The following TMOD3 variants were observed in gnomAD, a reference collection of about 807,000 sequenced individuals.
TMOD3 encodes tropomodulin 3.
A neutral mutation model predicts 39.2 loss-of-function variants in TMOD3; 20 were observed. That is an observed-to-expected ratio of 0.51 (90% CI 0.36 to 0.74). The LOEUF is 0.74. Ranked by LOEUF, TMOD3 falls within the 30% of genes least tolerant of loss-of-function variation. The probability of loss-of-function intolerance (pLI) is 0.00; values close to 1 mark genes in which losing one functional copy is unlikely to be tolerated. For missense variants in TMOD3, 381 were observed against 412.8 expected, an observed-to-expected ratio of 0.92 and a Z score of 0.67; for synonymous variants, 143 against 145.8, an observed-to-expected ratio of 0.98 and a Z score of 0.14.
chr15:51,908,639 C>G, intron 9 of TMOD3, 137 bp from the exon 10 acceptor site: 1 of 399,404 alleles, frequency 2.5e-6, no homozygotes, highest in African/African-American at 2.1e-5. Context: ...AATTAGTGGT[C>G]ATGTGAACTG....
chr15:51,888,979 AATT>A (rs772015722), intron 4 of TMOD3, 74 bp from the exon 5 acceptor site: 42 of 910,882 alleles, frequency 4.6e-5, no homozygotes, highest in Non-Finnish European at 7.1e-5. Flanking sequence ...AGGATATTAA[AATT>A]ATTGATAGAA....
intron 1 of TMOD3, among the ~76,000 whole-genome samples, chr15:51,855,803 G>A (rs528500925): frequency 1.1e-4 from 16 of 152,328 alleles, no homozygotes; most frequent in Non-Finnish European, 2.1e-4. Flanking sequence ...GAAAAGCAAA[G>A]CAAAGCACTC....
chr15:51,889,202 C>A (rs945801367), intron 5 of TMOD3, 57 bp downstream of exon 5: 2 of 1,203,850 alleles, frequency 1.7e-6, no homozygotes, highest in East Asian at 4.8e-5. Flanking sequence ...ATTTTGTTTT[C>A]GCCTTGTGTC....
At chr15:51,898,356 C>T (rs866211894) in intron 7 of TMOD3, among the ~76,000 whole-genome samples, 1 of 152,196 alleles carries the variant, frequency 6.6e-6, no homozygotes, top group Non-Finnish European at 1.5e-5. Flanking sequence ...CTTTTCCTGA[C>T]CGTGCTATAT....
chr15:51,893,000 TAAA>T (rs2056601549), intron 5 of TMOD3, among the ~76,000 whole-genome samples: 2 of 152,110 alleles, frequency 1.3e-5, no homozygotes, highest in Non-Finnish European at 2.9e-5. Context: ...TTGGGTGCTT[TAAA>T]TATGTGTCAA....
At chr15:51,890,016 C>A (rs542314312) in intron 5 of TMOD3, among the ~76,000 whole-genome samples, 1 of 152,230 alleles carries the variant, frequency 6.6e-6, no homozygotes, top group Non-Finnish European at 1.5e-5. Context: ...ACACCACCTA[C>A]CCTGTTAACA....
At chr15:51,870,099 T>G (rs530504643) in intron 3 of TMOD3, among the ~76,000 whole-genome samples, 4 of 152,214 alleles carry the variant, frequency 2.6e-5, no homozygotes, top group African/African-American at 9.6e-5. Context: ...CCAGCACGTC[T>G]GGCTAATTTT....
Position 51,913,424 on chromosome 15 carries a change from A to G in TMOD3, c.*4614A>G, listed in dbSNP as rs1679122830. The G allele has an allele frequency of 6.6e-6, 1 of 152,218 alleles. No homozygotes were observed. Among genetic ancestry groups the G allele is most frequent in the South Asian group, 2.1e-4 (1 of 4,830 alleles). 9.4% of individuals were successfully genotyped at this position (152,218 alleles called of 1,614,324 possible). On this transcript the variant is annotated 3_prime_UTR_variant, in exon 10 of 10. Coordinates refer to ENST00000308580, the MANE Select transcript of TMOD3 (RefSeq NM_014547.5). ...CAGATTAGGGATGCTGAACTGGTGT[A>G]ATGCCCAGTATTCCAAAATCCAAAA...
At chr15:51,894,150 T>TA (rs1489533663) in intron 6 of TMOD3, among the ~76,000 whole-genome samples, 7 of 152,242 alleles carry the variant, frequency 4.6e-5, no homozygotes, top group African/African-American at 1.4e-4. Flanking sequence ...TTGAAGAATT[T>TA]ATCATCTAAA....
Position 51,887,657 on chromosome 15 carries a change from G to C in TMOD3, c.352G>C (p.Glu118Gln), listed in dbSNP as rs1255674617. The change falls in exon 4 of 10, where the codon GAA (glutamate) becomes CAA (glutamine). Residue 118 changes from glutamate (E) to glutamine (Q), a missense_variant. By Grantham distance (29) the Glu-to-Gln change is conservative. Transcript: ENST00000308580. ...FTEEKVSLDP[E>Q]LEEALTSASD... ...AGAAGAAAAAGTGTCTCTTGATCCAGAATTAGAAGAAGCTTTGACAAGTGC... is the reference window on the plus strand; with the variant it reads ...AGAAGAAAAAGTGTCTCTTGATCCACAATTAGAAGAAGCTTTGACAAGTGC... 1.9e-6 allele frequency: 3 copies of C among 1,613,932 alleles called. No homozygotes were observed. The African/African-American group carries it at 4.0e-5, about 22-fold the overall frequency.
At chr15:51,874,637 C>G (rs2056492425) in intron 3 of TMOD3, among the ~76,000 whole-genome samples, 1 of 152,228 alleles carries the variant, frequency 6.6e-6, no homozygotes, top group Non-Finnish European at 1.5e-5. Context: ...GAATTTATCA[C>G]TTGAAGAAAT....
At chr15:51,856,614 T>G (rs2056389010) in intron 1 of TMOD3, among the ~76,000 whole-genome samples, 1 of 152,168 alleles carries the variant, frequency 6.6e-6, no homozygotes, top group Admixed American at 6.5e-5. Context: ...GCATTTTTTT[T>G]TTTTAACGGG....
chr15:51,869,181 T>A (rs1252103965), intron 2 of TMOD3, 36 bp from the exon 3 acceptor site: 1 of 1,602,180 alleles, frequency 6.2e-7, no homozygotes, highest in Admixed American at 1.8e-5. Flanking sequence ...TTAGCATTCT[T>A]ATTGGTCATA....
chr15:51,891,185 GTTGT>G (rs982746242), intron 5 of TMOD3, among the ~76,000 whole-genome samples: 1 of 149,398 alleles, frequency 6.7e-6, no homozygotes, highest in African/African-American at 2.5e-5. Flanking sequence ...ACTGCATTTG[GTTGT>G]TTGTCTTTTT....
At chr15:51,900,781 G>A (rs1189176225) in intron 8 of TMOD3, among the ~76,000 whole-genome samples, 2 of 152,154 alleles carry the variant, frequency 1.3e-5, no homozygotes, top group African/African-American at 2.4e-5. Context: ...AACTATGAAG[G>A]TGGAAAAGAG....
Position 51,910,638 on chromosome 15 carries a change from T to G in TMOD3, c.*1828T>G, listed in dbSNP as rs1256716527. On this transcript the variant is annotated 3_prime_UTR_variant, in exon 10 of 10. Coordinates refer to ENST00000308580, the MANE Select transcript of TMOD3 (RefSeq NM_014547.5). ...TTGCAATATGTCTGCTACTTTGGCT[T>G]GGGCTGGACAGTTTATCTAATAAGC... is the stretch of plus-strand genomic sequence containing the variant. 1 of 152,250 alleles carries G rather than the reference T, an allele frequency of 6.6e-6. No homozygotes were observed. Among genetic ancestry groups the G allele is most frequent in the Non-Finnish European group, 1.5e-5 (1 of 68,078 alleles). The allele number at this position is 152,250 out of a possible 1,614,324, so 9.4% of individuals were successfully genotyped here. A position where few individuals can be genotyped will look rare whatever the true frequency, so the allele number is the denominator to read the frequency against.
chr15:51,869,794 A>G (rs1221563468), intron 3 of TMOD3, among the ~76,000 whole-genome samples: 1 of 152,172 alleles, frequency 6.6e-6, no homozygotes, highest in Non-Finnish European at 1.5e-5. Flanking sequence ...TTCTATACCC[A>G]TCATTATTAA....
chr15:51,859,994 T>C (rs1022142369), intron 1 of TMOD3: 1 of 543,732 alleles, frequency 1.8e-6, no homozygotes, highest in South Asian at 1.4e-5. Context: ...AAAGGTGATA[T>C]AACACTTCCA....
At chr15:51,906,623 C>T (rs2056682179) in intron 9 of TMOD3, among the ~76,000 whole-genome samples, 1 of 152,132 alleles carries the variant, frequency 6.6e-6, no homozygotes, top group Non-Finnish European at 1.5e-5. Flanking sequence ...GCACTCTGTC[C>T]TGTAGATCTT....
Sources: gnomAD v4.1 joint callset for allele counts (sites outside exome capture counted in the v4.1 genomes callset) on GRCh38, gnomAD v4.1.1 for gene constraint, MANE v1.5 for transcripts, NCBI Gene and HGNC (gene_info 2026-07-23, HGNC 2026-07-21) for gene names.